TBCE: variants seen among roughly 807,000 people sequenced by gnomAD.
TBCE encodes tubulin folding cofactor E.
A neutral mutation model predicts 77.0 loss-of-function variants in TBCE; 53 were observed. The observed-to-expected ratio is 0.69, with a 90% CI of 0.55 to 0.87. The LOEUF (loss-of-function observed/expected upper bound fraction) is 0.87, where lower values mean the gene tolerates loss of function less well. Ranked by LOEUF, TBCE falls within the 40% of genes least tolerant of loss-of-function variation. TBCE has a pLI of 0.00. For missense variants in TBCE, 624 were observed against 622.4 expected (o/e 1.00, Z -0.03); for synonymous variants, 235 against 241.3 (o/e 0.97, Z 0.24).
rs544233355 is a variant in TBCE, at chr1:235,437,654, A to C, written c.1116+180A>C. 1.1e-4 allele frequency among the ~76,000 whole-genome samples: 16 copies of C among 152,114 alleles called. No individual in the cohort carries two copies. In the East Asian group the frequency reaches 3.1e-3, roughly 29 times the overall value. ...TTGTGAAACCCCATCTCTACAAAAA[A>C]TACAAAAATTAGCTGCATGGTGGCA... On this transcript the variant is annotated intron_variant, in intron 12 of 16. Transcript: ENST00000642610.
At chr1:235,369,727 T>C (rs1676789487) in intron 1 of TBCE, among the ~76,000 whole-genome samples, 1 of 149,614 alleles carries the variant, frequency 6.7e-6, no homozygotes, top group South Asian at 2.1e-4. Context: ...TTAGGGAGGC[T>C]GAGGCAGGAG....
intron 3 of TBCE, among the ~76,000 whole-genome samples, chr1:235,402,723 C>T (rs143034126): frequency 4.6e-5 from 7 of 152,182 alleles, no homozygotes; most frequent in Non-Finnish European, 7.4e-5. Flanking sequence ...CTCCTGGGCT[C>T]AAGTGATCTT....
rs531123095 is a variant in TBCE at position 235,418,597 on chromosome 1, T to C, written c.372-876T>C. 2.6e-5 allele frequency: 4 copies of C among 152,384 alleles called. No individual in the cohort carries two copies. In the South Asian group the frequency reaches 8.3e-4, roughly 32 times the overall value. The allele number at this position is 152,384 out of a possible 1,614,324, so 9.4% of individuals were successfully genotyped here. A position where few individuals can be genotyped will look rare whatever the true frequency, so the allele number is the denominator to read the frequency against. ...AGTGCGAGAAGCACTCCATAGCATGTACTTCTGCGTGGTTGGGAACAATCT... is the reference window on the plus strand; with the variant it reads ...AGTGCGAGAAGCACTCCATAGCATGCACTTCTGCGTGGTTGGGAACAATCT... On this transcript the variant is annotated intron_variant, in intron 4 of 16. Coordinates refer to ENST00000642610, the MANE Select transcript of TBCE (RefSeq NM_003193.5).
At chr1:235,422,162 C>T (rs1680433808) in intron 5 of TBCE, among the ~76,000 whole-genome samples, 1 of 152,238 alleles carries the variant, frequency 6.6e-6, no homozygotes, top group Non-Finnish European at 1.5e-5. Flanking sequence ...GCCAGTGCCA[C>T]AGCAGTGTCA....
At chr1:235,421,894 C>T (rs530104385) in intron 5 of TBCE, among the ~76,000 whole-genome samples, 1 of 152,126 alleles carries the variant, frequency 6.6e-6, no homozygotes, top group African/African-American at 2.4e-5. Flanking sequence ...CAAAATGCCC[C>T]GACAGTGCAG....
chr1:235,406,694 G>A (rs1214901669), intron 3 of TBCE, among the ~76,000 whole-genome samples: 8 of 151,992 alleles, frequency 5.3e-5, no homozygotes, highest in Non-Finnish European at 5.9e-5. Flanking sequence ...ACTACACCTG[G>A]CTAATTTTTG....
At chr1:235,372,607 T>G (rs1677035162) in intron 1 of TBCE, among the ~76,000 whole-genome samples, 1 of 151,424 alleles carries the variant, frequency 6.6e-6, no homozygotes, top group African/African-American at 2.4e-5. Context: ...CATAGAGAGA[T>G]CCCTTCTCTA....
chr1:235,449,930 T>G lies in TBCE; in HGVS notation c.*1168T>G. On this transcript the variant is annotated 3_prime_UTR_variant, in exon 17 of 17. Transcript: ENST00000642610. ...CTAATTAGCCACAATGCATCAGGATTTAGAAATATTTTTTCTTTTATAAAA... is the reference window on the plus strand; with the variant it reads ...CTAATTAGCCACAATGCATCAGGATGTAGAAATATTTTTTCTTTTATAAAA... The G allele has an allele frequency of 3.4e-6, 1 of 297,320 alleles. No homozygotes were observed. The allele number at this position is 297,320 out of a possible 1,614,324, so 18.4% of individuals were successfully genotyped here.
At chr1:235,406,570 C>T (rs1013272306) in intron 3 of TBCE, among the ~76,000 whole-genome samples, 1 of 152,058 alleles carries the variant, frequency 6.6e-6, no homozygotes, top group Non-Finnish European at 1.5e-5. Flanking sequence ...CTCACTCAGT[C>T]GCCCAGGCTG....
At chr1:235,404,138 G>T (rs545306186) in intron 3 of TBCE, among the ~76,000 whole-genome samples, 1 of 152,122 alleles carries the variant, frequency 6.6e-6, no homozygotes, top group African/African-American at 2.4e-5. Context: ...TTAGCCAGGC[G>T]TGGTGGCGGG....
intron 6 of TBCE, chr1:235,430,472 G>A (rs1681024112): frequency 2.4e-6 from 1 of 409,196 alleles, no homozygotes; most frequent in Admixed American, 3.8e-5. Context: ...CTAATCCTGT[G>A]AAAGCATCTT....
intron 2 of TBCE, among the ~76,000 whole-genome samples, chr1:235,389,325 T>TTTTG (rs1553332218): frequency 5.3e-5 from 8 of 152,210 alleles, no homozygotes; most frequent in East Asian, 1.9e-4. Flanking sequence ...AATTTAAGCT[T>TTTTG]TTTGTTTGTT....
intron 1 of TBCE, among the ~76,000 whole-genome samples, chr1:235,367,711 C>A (rs1454267546): frequency 2.0e-5 from 3 of 152,132 alleles, no homozygotes; most frequent in African/African-American, 4.8e-5. Flanking sequence ...TAGGAGTAGC[C>A]GCACGTGATC....
At chr1:235,445,213 A>G (rs1030841921) in intron 15 of TBCE, among the ~76,000 whole-genome samples, 1 of 152,016 alleles carries the variant, frequency 6.6e-6, no homozygotes, top group Non-Finnish European at 1.5e-5. Flanking sequence ...CCCCTTTTTT[A>G]TTTGCTTTTC....
chr1:235,395,847 G>T (rs560849166), intron 2 of TBCE, among the ~76,000 whole-genome samples: 1 of 151,430 alleles, frequency 6.6e-6, no homozygotes, highest in East Asian at 2.0e-4. Flanking sequence ...GCCCAGCCCC[G>T]TTCTACTTGC....
intron 13 of TBCE, among the ~76,000 whole-genome samples, chr1:235,440,081 C>T (rs1034577402): frequency 3.9e-5 from 6 of 152,218 alleles, no homozygotes; most frequent in Non-Finnish European, 5.9e-5. Flanking sequence ...CGCCATTCTC[C>T]TGCCTCAGCC....
In TBCE at chr1:235,448,878, C is replaced by CTAAG. The variant is rs1682690875; in HGVS notation, c.*119_*122dup. On this transcript the variant is annotated 3_prime_UTR_variant, in exon 17 of 17. Transcript: ENST00000642610. ...AAACAAAGGGGGTTTACAACTTGTC[C>CTAAG]TAAGTATAACAAGGGATGTATTTTT... 7 of 795,756 alleles carry CTAAG rather than the reference C, an allele frequency of 8.8e-6. No homozygotes were observed. The highest frequency in any genetic ancestry group is 1.5e-5 in the Non-Finnish European group (7 of 469,362). 49.3% of individuals were successfully genotyped at this position (795,756 alleles called of 1,614,324 possible).
In TBCE at chr1:235,398,014, C is replaced by G. The variant is rs559582483; in HGVS notation, c.101-3489C>G. On this transcript the variant is annotated intron_variant, in intron 2 of 16. Transcript: ENST00000642610. Reference sequence around the variant, plus strand: ...ATGCTGGCCTTGCTCCTTCTGTCTGCTTTGGCTTGAAAAATGACTTGTGCT... The same window carrying G: ...ATGCTGGCCTTGCTCCTTCTGTCTGGTTTGGCTTGAAAAATGACTTGTGCT... 4.6e-5 allele frequency among the ~76,000 whole-genome samples: 7 copies of G among 152,276 alleles called. No homozygotes were observed. In the East Asian group the frequency reaches 1.3e-3, roughly 29 times the overall value.
chr1:235,448,204 G>A (rs1288322541), intron 15 of TBCE, 145 bp from the exon 16 acceptor site: 1 of 687,048 alleles, frequency 1.5e-6, no homozygotes, highest in Admixed American at 2.5e-5. Flanking sequence ...ACTTAAGTAA[G>A]TAAGTAAGTC....
Sources: allele counts gnomAD v4.1 joint callset (sites outside exome capture counted in the v4.1 genomes callset), GRCh38; gene constraint gnomAD v4.1.1; transcripts MANE v1.5; gene names NCBI Gene and HGNC (gene_info 2026-07-23, HGNC 2026-07-21).